Variants in PKD1 observed in about 807,000 individuals in gnomAD.
PKD1 encodes the protein polycystin-1.
A neutral mutation model predicts 361.7 loss-of-function variants in PKD1; 81 were observed. That is an observed-to-expected ratio of 0.22 (90% CI 0.19 to 0.27). The LOEUF (loss-of-function observed/expected upper bound fraction) is 0.27, where lower values mean the gene tolerates loss of function less well. PKD1 is among the 10% of genes least tolerant of loss of function. The pLI is 1.00. For missense variants in PKD1, 6,399 were observed against 6,118.3 expected, an observed-to-expected ratio of 1.05 and a Z score of -1.53; for synonymous variants, 3,615 against 2,818.3, an observed-to-expected ratio of 1.28 and a Z score of -8.95.
chr16:2,121,182 A>C (rs1309476651), intron 1 of PKD1, among the ~76,000 whole-genome samples: 3 of 151,800 alleles, frequency 2.0e-5, no homozygotes, highest in Non-Finnish European at 4.4e-5. Context: ...ACCGACCAAC[A>C]CGGAGACACC....
chr16:2,127,269 G>A lies in PKD1; in HGVS notation c.216-7891C>T, dbSNP rs116103291. On this transcript the variant is annotated intron_variant, in intron 1 of 45. Transcript: ENST00000262304. ...TCAAAAGAACAAAAGGAGTGAGGACGGTACTCGCGGCTCTGCCAACACTTC... is the reference window on the plus strand; with the variant it reads ...TCAAAAGAACAAAAGGAGTGAGGACAGTACTCGCGGCTCTGCCAACACTTC... Among the ~76,000 whole-genome samples the A allele has an allele frequency of 2.8e-3, 427 of 152,332 alleles. 4 individuals are homozygous for A. Among genetic ancestry groups the A allele is most frequent in the African/African-American group, 0.01 (416 of 41,566 alleles).
At position 2,092,580 on chromosome 16, in the gene PKD1, G is replaced by A. The variant is rs756627743; in HGVS notation, c.11169C>T (p.Leu3723=). Residue 3723 remains leucine (L), a synonymous_variant, in exon 39 of 46, where the codon CTC becomes CTT. Coordinates refer to ENST00000262304, the MANE Select transcript of PKD1 (RefSeq NM_001009944.3). The part of the protein sequence containing the change: ...AFLAITRSEE[L]WPWMAHVLLP... ...GCAGCACGTGGGCCATCCATGGCCA[G>A]AGCTCCTCAGACCTGCCACAGCATC... 19 of 1,609,286 alleles carry A rather than the reference G, an allele frequency of 1.2e-5. No homozygotes were observed. The African/African-American group carries it at 2.4e-4, about 20-fold the overall frequency.
rs368377356 is a variant in PKD1 at position 2,103,019 on chromosome 16, C to T, written c.8792-49G>A. The T allele has an allele frequency of 3.4e-4, 544 of 1,587,754 alleles. 2 individuals are homozygous for T. The highest frequency in any genetic ancestry group is 1.4e-3 in the South Asian group (127 of 90,744). ...ACGCCTGCCGGGAAGCTCAACCACC[C>T]GGGGGACACCCACGATGGCCCTCCT... On this transcript the variant is annotated intron_variant, in intron 23 of 45. Coordinates refer to ENST00000262304, the MANE Select transcript of PKD1 (RefSeq NM_001009944.3).
chr16:2,096,916 C>T (rs2091871143), intron 34 of PKD1: 1 of 583,814 alleles, frequency 1.7e-6, no homozygotes, highest in Non-Finnish European at 3.1e-6. Context: ...CCTTTCTGCT[C>T]CTACAAAGCC....
At chr16:2,131,099 C>T (rs2092871219) in intron 1 of PKD1, among the ~76,000 whole-genome samples, 1 of 152,320 alleles carries the variant, frequency 6.6e-6, no homozygotes. Context: ...CACAGCACCA[C>T]GGAGGTGACA....
At chr16:2,091,368 A>AG in intron 42 of PKD1, 55 bp downstream of exon 42, 1 of 902,418 alleles carries the variant, frequency 1.1e-6, no homozygotes, top group Non-Finnish European at 1.3e-6. Flanking sequence ...GGGCCCCGCG[A>AG]GGGGGCGGGA....
In PKD1 at chr16:2,091,192, A is replaced by G; in HGVS notation, c.11713-18T>C. The G allele has an allele frequency of 7.9e-7, 1 of 1,261,536 alleles. No individual in the cohort carries two copies. Among genetic ancestry groups the G allele is most frequent in the Non-Finnish European group, 1.0e-6 (1 of 1,001,248 alleles). The allele number at this position is 1,261,536 out of a possible 1,614,324, so 78.1% of individuals were successfully genotyped here. On this transcript the variant is annotated intron_variant, in intron 42 of 45. Coordinates refer to ENST00000262304, the MANE Select transcript of PKD1 (RefSeq NM_001009944.3). ...AGGCACACCTGTGGGGGGCGCGGTC[A>G]GGAGGGCGGGAGGGACGCTGCCGGG...
Position 2,093,796 on chromosome 16 carries a change from T to C in PKD1, c.10821+15A>G. The C allele has an allele frequency of 6.4e-7, 1 of 1,554,602 alleles. No homozygotes were observed. The highest frequency in any genetic ancestry group is 8.7e-7 in the Non-Finnish European group (1 of 1,153,030). On this transcript the variant is annotated intron_variant, in intron 36 of 45. Coordinates refer to ENST00000262304, the MANE Select transcript of PKD1 (RefSeq NM_001009944.3). Reference sequence around the variant, plus strand: ...GTGATGGAGGCCTGTAGCCTACCCCTGGCAGCCCCCTCACCTTCAGTGGCT... The same window carrying C: ...GTGATGGAGGCCTGTAGCCTACCCCCGGCAGCCCCCTCACCTTCAGTGGCT...
chr16:2,113,203 G>C lies in PKD1; in HGVS notation c.2943C>G (p.Val981=), dbSNP rs2092565723. 1.5e-6 allele frequency: 2 copies of C among 1,329,188 alleles called. No individual in the cohort carries two copies. The highest frequency in any genetic ancestry group is 2.9e-5 in the African/African-American group (2 of 68,212). 82.3% of individuals were successfully genotyped at this position (1,329,188 alleles called of 1,614,324 possible). A position where few individuals can be genotyped will look rare whatever the true frequency, so the allele number is the denominator to read the frequency against. ...CCGCGCTCTGATAAATGACATTGAA[G>C]ACCACGTTCTGGAAGGTCAGGGACT... ...DKQSLTFQNV[V]FNVIYQSAAV... is the part of the protein sequence containing the mutation. The change falls in exon 12 of 46, where the codon GTC becomes GTG. Residue 981 remains valine (V), a synonymous_variant. Coordinates refer to ENST00000262304, the MANE Select transcript of PKD1 (RefSeq NM_001009944.3).
rs769630023 is a variant in PKD1 at position 2,090,664 on chromosome 16, A to T, written c.12138+10T>A. ...GCTAAGACGCCCTCCCCGGCCGCGC[A>T]GTCACCTACCAGGATGGCCAGCTGG... On this transcript the variant is annotated intron_variant, in intron 44 of 45. Coordinates refer to ENST00000262304, the MANE Select transcript of PKD1 (RefSeq NM_001009944.3). The T allele has an allele frequency of 3.7e-6, 6 of 1,611,770 alleles. No individual in the cohort carries two copies. The African/African-American group carries it at 8.0e-5, about 22-fold the overall frequency.
At position 2,097,813 on chromosome 16, in the gene PKD1, G is replaced by T; in HGVS notation, c.10168-33C>A. On this transcript the variant is annotated intron_variant, in intron 31 of 45. Transcript: ENST00000262304. The stretch of plus-strand genomic sequence containing the variant: ...GTGCACAGTGTCTTGAGTCCAAGCT[G>T]CGCCAAGGCGGCAGGACCCCCAGCC... 1.9e-6 allele frequency: 3 copies of T among 1,611,274 alleles called. No individual in the cohort carries two copies. In the South Asian group the frequency reaches 3.3e-5, roughly 18 times the overall value.
chr16:2,101,532 G>C (rs2092096486), intron 26 of PKD1, among the ~76,000 whole-genome samples: 1 of 152,130 alleles, frequency 6.6e-6, no homozygotes, highest in African/African-American at 2.4e-5. Flanking sequence ...TAAGGGGAAT[G>C]GCTTAAACCC....
Position 2,092,711 on chromosome 16 carries a change from G to A in PKD1, c.11157-119C>T. The A allele has an allele frequency of 3.5e-6, 3 of 867,142 alleles. No individual in the cohort carries two copies. The South Asian group carries it at 4.2e-5, about 12-fold the overall frequency. The allele number at this position is 867,142 out of a possible 1,614,324, so 53.7% of individuals were successfully genotyped here. A position where few individuals can be genotyped will look rare whatever the true frequency, so the allele number is the denominator to read the frequency against. The stretch of plus-strand genomic sequence containing the variant: ...TGCCCTGCTGGCCACGGCTAGACCT[G>A]GGCTTCTCAGCCTTATCCTGGGGAT... On this transcript the variant is annotated intron_variant, in intron 38 of 45. Coordinates refer to ENST00000262304, the MANE Select transcript of PKD1 (RefSeq NM_001009944.3).
rs1461484526 is a variant in PKD1 at position 2,109,477 on chromosome 16, T to C, written c.5690A>G (p.Lys1897Arg). 1 of 1,609,164 alleles carries C rather than the reference T, an allele frequency of 6.2e-7. No individual in the cohort carries two copies. The highest frequency in any genetic ancestry group is 1.7e-5 in the Admixed American group (1 of 59,924). Residue 1897 changes from lysine (K) to arginine (R), a missense_variant, in exon 15 of 46, where the codon AAG (lysine) becomes AGG (arginine). By Grantham distance (26) the Lys-to-Arg change is conservative (BLOSUM62 2). Transcript: ENST00000262304. ...IVGLVLWASS[K>R]VVAPGQLVHF... ...GACCAGCTGCCCGGGCGCCACCACC[T>C]TGCTGCTGGCCCACAGCACCAGGCC...
rs375283810 is a variant in PKD1, at chr16:2,104,486, G to A, written c.8161+12C>T. On this transcript the variant is annotated intron_variant, in intron 22 of 45. Transcript: ENST00000262304. ...GGGGCGGGCGGGTGGCATGGGGCAC[G>A]GGCCGCGGCACCTGTGATGTTGAGG... 571 of 1,507,316 alleles carry A rather than the reference G, an allele frequency of 3.8e-4. 7 individuals are homozygous for A. In the African/African-American group the frequency reaches 3.9e-3, roughly 10 times the overall value. The allele number at this position is 1,507,316 out of a possible 1,614,324, so 93.4% of individuals were successfully genotyped here. A position where few individuals can be genotyped will look rare whatever the true frequency, so the allele number is the denominator to read the frequency against.
intron 41 of PKD1, 55 bp downstream of exon 41, chr16:2,091,726 G>C (rs2091591619): frequency 6.3e-7 from 1 of 1,597,154 alleles, no homozygotes; most frequent in Non-Finnish European, 8.5e-7. Flanking sequence ...GTGAGGGTGG[G>C]CTCCTGGCTG....
chr16:2,100,315 G>A lies in PKD1; in HGVS notation c.9569-6C>T, dbSNP rs753109188. 2.5e-6 allele frequency: 4 copies of A among 1,610,108 alleles called. No homozygotes were observed. The highest frequency in any genetic ancestry group is 2.2e-5 in the South Asian group (2 of 90,986). ...GAACCAGGCAGGGCTGAGCCCTGCA[G>A]AGGCGCAGGAGGGAGGTCAGGCTCG... is the stretch of plus-strand genomic sequence containing the variant. On this transcript the variant is annotated splice_region_variant and splice_polypyrimidine_tract_variant and intron_variant, in intron 27 of 45. Transcript: ENST00000262304. This position sits in a 1 kb window ranked among gnomAD's most constrained non-coding sequence, Gnocchi z 4.4.
intron 7 of PKD1, 71 bp from the exon 8 acceptor site, chr16:2,116,715 G>A (rs1289426698): frequency 1.2e-5 from 14 of 1,201,510 alleles, no homozygotes; most frequent in African/African-American, 4.5e-5. Flanking sequence ...ACTGGGGACC[G>A]AGCCGCCCGA....
intron 35 of PKD1, 25 bp downstream of exon 35, chr16:2,094,067 G>A (rs757263982): frequency 3.2e-6 from 5 of 1,580,824 alleles, no homozygotes; most frequent in Admixed American, 3.5e-5. Flanking sequence ...GGGGCTAGGG[G>A]CATCCCGGGG....
Sources: allele counts gnomAD v4.1 joint callset (sites outside exome capture counted in the v4.1 genomes callset), GRCh38; gene constraint gnomAD v4.1.1; non-coding constraint Gnocchi (gnomAD v3.1); transcripts MANE v1.5; gene names NCBI Gene and HGNC (gene_info 2026-07-23, HGNC 2026-07-21).